Variants in PEX14 observed in about 807,000 individuals in gnomAD.
PEX14 encodes peroxisomal membrane protein PEX14.
Under a neutral mutation model 49.5 loss-of-function variants are expected in PEX14, and 15 were observed. That is an observed-to-expected ratio of 0.30 (90% CI 0.20 to 0.47). The LOEUF (loss-of-function observed/expected upper bound fraction) is 0.47. Ranked by LOEUF, PEX14 falls within the 20% of genes least tolerant of loss-of-function variation. The probability of loss-of-function intolerance (pLI) is 1.00; values close to 1 mark genes in which losing one functional copy is unlikely to be tolerated. For missense variants in PEX14, 398 were observed against 494.8 expected (o/e 0.80, Z 1.86); for synonymous variants, 210 against 212.7 (o/e 0.99, Z 0.11).
intron 2 of PEX14, chr1:10,528,197 T>C (rs1638547723): frequency 3.3e-6 from 1 of 303,228 alleles, no homozygotes; most frequent in Non-Finnish European, 4.8e-6. Flanking sequence ...ATGTTTGAGG[T>C]TGCCATTATC....
chr1:10,554,263 C>G (rs1334326046), intron 3 of PEX14, among the ~76,000 whole-genome samples: 2 of 148,614 alleles, frequency 1.3e-5, no homozygotes, highest in South Asian at 2.1e-4. Context: ...GAGATCGCAC[C>G]ACTGCACTCC....
At chr1:10,492,899 C>T (rs1641495247) in intron 1 of PEX14, among the ~76,000 whole-genome samples, 1 of 152,198 alleles carries the variant, frequency 6.6e-6, no homozygotes, top group South Asian at 2.1e-4. Flanking sequence ...TGCACATCTG[C>T]TCAGGTCCTT....
At chr1:10,567,041 G>A (rs1639826541) in intron 3 of PEX14, among the ~76,000 whole-genome samples, 1 of 152,108 alleles carries the variant, frequency 6.6e-6, no homozygotes, top group Non-Finnish European at 1.5e-5. Context: ...TCGCCACTGT[G>A]GTAGCACAAA....
intron 3 of PEX14, among the ~76,000 whole-genome samples, chr1:10,538,070 A>G (rs1029238027): frequency 1.3e-5 from 2 of 152,202 alleles, no homozygotes; most frequent in Non-Finnish European, 1.5e-5. Flanking sequence ...AACAGACAAA[A>G]TCCCTGCCCT....
At chr1:10,536,385 G>C in intron 3 of PEX14, 88 bp downstream of exon 3, 1 of 859,440 alleles carries the variant, frequency 1.2e-6, no homozygotes. Flanking sequence ...CAGGTGCTGA[G>C]CTGCCAGGAC....
chr1:10,496,416 G>A (rs1469239439), intron 2 of PEX14, among the ~76,000 whole-genome samples: 1 of 152,118 alleles, frequency 6.6e-6, no homozygotes, highest in African/African-American at 2.4e-5. Flanking sequence ...AGCCCAGGAG[G>A]CCCCACCTTG....
rs955680890 is a variant in PEX14, at chr1:10,495,022, A to G, written c.37-252A>G. 4.7e-5 allele frequency: 38 copies of G among 809,580 alleles called. No homozygotes were observed. The highest frequency in any genetic ancestry group is 5.2e-5 in the Non-Finnish European group (35 of 669,366). The allele number at this position is 809,580 out of a possible 1,614,324, so 50.1% of individuals were successfully genotyped here. ...GTGATCGTGGGCCTTCCTGAGCAGA[A>G]CCAAGCCTTGTTCTTGGAGTGGTGT... On this transcript the variant is annotated intron_variant, in intron 1 of 8. Coordinates refer to ENST00000356607, the MANE Select transcript of PEX14 (RefSeq NM_004565.3). The surrounding 1 kb of genome is among the most constrained non-coding windows in gnomAD (Gnocchi z 4.2).
intron 3 of PEX14, 95 bp downstream of exon 3, chr1:10,536,392 G>T: frequency 1.2e-6 from 1 of 815,826 alleles, no homozygotes; most frequent in Non-Finnish European, 2.2e-6. Flanking sequence ...TGAGCTGCCA[G>T]GACTTCCTAG....
Position 10,529,248 on chromosome 1 carries a change from C to T in PEX14, c.85-6965C>T, listed in dbSNP as rs76090795. 0.012 allele frequency among the ~76,000 whole-genome samples: 1,783 copies of T among 152,336 alleles called. 31 individuals carry two copies. Among genetic ancestry groups the T allele is most frequent in the African/African-American group, 0.04 (1,658 of 41,578 alleles). On this transcript the variant is annotated intron_variant, in intron 2 of 8. Transcript: ENST00000356607. This position sits in a 1 kb window ranked among gnomAD's most constrained non-coding sequence, Gnocchi z 4.2. ...AGCAAGGGTTTCATTTCTTCCAGGCCGGCGTGTACTCCACAGCTCCTTCTG... is the reference window on the plus strand; with the variant it reads ...AGCAAGGGTTTCATTTCTTCCAGGCTGGCGTGTACTCCACAGCTCCTTCTG...
chr1:10,483,209 G>A (rs1039120219), intron 1 of PEX14, among the ~76,000 whole-genome samples: 8 of 152,190 alleles, frequency 5.3e-5, no homozygotes, highest in Non-Finnish European at 1.2e-4. Flanking sequence ...TGGCTGGAGT[G>A]CAGTGGCACA....
At chr1:10,518,650 A>G (rs1323447998) in intron 2 of PEX14, among the ~76,000 whole-genome samples, 3 of 152,204 alleles carry the variant, frequency 2.0e-5, no homozygotes, top group Non-Finnish European at 2.9e-5. Context: ...TGAAATCTCT[A>G]TTTAGCAGAG....
intron 3 of PEX14, among the ~76,000 whole-genome samples, chr1:10,572,757 C>T (rs1017114543): frequency 7.9e-5 from 12 of 152,038 alleles, no homozygotes; most frequent in African/African-American, 2.7e-4. Context: ...AGGATGGTCT[C>T]GATCTCCTGA....
At chr1:10,614,979 G>A (rs542207666) in intron 4 of PEX14, among the ~76,000 whole-genome samples, 1 of 152,332 alleles carries the variant, frequency 6.6e-6, no homozygotes, top group Non-Finnish European at 1.5e-5. Context: ...GGGTCGAGGT[G>A]AAAGATCCGT....
intron 3 of PEX14, among the ~76,000 whole-genome samples, chr1:10,593,893 G>T (rs1640747258): frequency 6.6e-6 from 1 of 152,198 alleles, no homozygotes; most frequent in Non-Finnish European, 1.5e-5. Context: ...CCAATGAGAA[G>T]AGCAAGGTCG....
At chr1:10,524,100 T>TG (rs1290938945) in intron 2 of PEX14, among the ~76,000 whole-genome samples, 1 of 152,210 alleles carries the variant, frequency 6.6e-6, no homozygotes, top group Non-Finnish European at 1.5e-5. Flanking sequence ...TGGTGCTAGC[T>TG]GCAGCCTGAC....
At chr1:10,518,504 T>C (rs1197747141) in intron 2 of PEX14, among the ~76,000 whole-genome samples, 2 of 152,212 alleles carry the variant, frequency 1.3e-5, no homozygotes, top group Non-Finnish European at 2.9e-5. Flanking sequence ...CAGTTCTCTG[T>C]GCTCTTTTCT....
intron 3 of PEX14, among the ~76,000 whole-genome samples, chr1:10,572,760 T>C (rs1201105511): frequency 6.6e-6 from 1 of 152,092 alleles, no homozygotes; most frequent in Non-Finnish European, 1.5e-5. Flanking sequence ...ATGGTCTCGA[T>C]CTCCTGACCT....
At chr1:10,570,848 G>T (rs1186365759) in intron 3 of PEX14, among the ~76,000 whole-genome samples, 10 of 113,910 alleles carry the variant, frequency 8.8e-5, no homozygotes, top group South Asian at 5.6e-4. Flanking sequence ...TGTCAACAGG[G>T]TTTTTTTTTT....
At chr1:10,518,868 C>T (rs1211035947) in intron 2 of PEX14, among the ~76,000 whole-genome samples, 1 of 152,080 alleles carries the variant, frequency 6.6e-6, no homozygotes, top group Non-Finnish European at 1.5e-5. Flanking sequence ...TTACAGTGCT[C>T]AGCTTGTTAG....
Sources: gnomAD v4.1 joint callset for allele counts (sites outside exome capture counted in the v4.1 genomes callset) on GRCh38, gnomAD v4.1.1 for gene constraint, Gnocchi (gnomAD v3.1) non-coding constraint, MANE v1.5 for transcripts, NCBI Gene and HGNC (gene_info 2026-07-23, HGNC 2026-07-21) for gene names.